The following ODAD4 variants were observed in gnomAD, a reference collection of about 807,000 sequenced individuals.
The protein encoded by ODAD4 is outer dynein arm docking complex subunit 4.
In ODAD4, 49 loss-of-function variants were observed where a neutral mutation model predicts 51.8. The ratio of observed to expected loss-of-function variants is 0.95; its 90% confidence interval spans 0.75 to 1.20. The LOEUF is 1.20. ODAD4 is among the 50% of genes most tolerant of loss of function. The pLI is 0.00. For synonymous variants in ODAD4, 235 were observed against 221.3 expected, an observed-to-expected ratio of 1.06 and a Z score of -0.55; for missense variants, 590 against 586.5, an observed-to-expected ratio of 1.01 and a Z score of -0.06.
At chr17:41,945,848 C>T (rs2050578195) in intron 8 of ODAD4, among the ~76,000 whole-genome samples, 1 of 152,052 alleles carries the variant, frequency 6.6e-6, no homozygotes, top group African/African-American at 2.4e-5. Flanking sequence ...TTGCAGTGAG[C>T]TGAGATCATG....
chr17:41,952,578 A>G (rs1555640322), intron 9 of ODAD4: 4 of 404,922 alleles, frequency 9.9e-6, no homozygotes, highest in African/African-American at 2.2e-5. Context: ...AACAGAAAGA[A>G]TGAAAGAATA....
intron 9 of ODAD4, among the ~76,000 whole-genome samples, chr17:41,952,992 C>T (rs2050680220): frequency 6.6e-6 from 1 of 152,106 alleles, no homozygotes; most frequent in Admixed American, 6.6e-5. Flanking sequence ...CCACCTCGGC[C>T]TCCCAAAATG....
chr17:41,949,457 C>T (rs1040213263), intron 9 of ODAD4, 108 bp downstream of exon 9: 1 of 396,912 alleles, frequency 2.5e-6, no homozygotes, highest in Non-Finnish European at 4.4e-6. Flanking sequence ...TTTCTCCTTC[C>T]CAGATTATTC....
chr17:41,965,026 G>C lies in ODAD4; in HGVS notation c.1562G>C (p.Arg521Thr). The C allele has an allele frequency of 2.8e-6, 2 of 723,706 alleles. No individual in the cohort carries two copies. Among genetic ancestry groups the C allele is most frequent in the Non-Finnish European group, 5.1e-6 (2 of 389,248 alleles). The allele number at this position is 723,706 out of a possible 1,614,324, so 44.8% of individuals were successfully genotyped here. A position where few individuals can be genotyped will look rare whatever the true frequency, so the allele number is the denominator to read the frequency against. The stretch of plus-strand genomic sequence containing the variant: ...CTGTATGAAGATAGAATAATAACAA[G>C]AGAGAAGGACATGAGGAGAGTGAGA... ...ASLYEDRIIT[R>T]EKDMRRVRDE... The change falls in exon 12 of 12, where the codon AGA (arginine) becomes ACA (threonine). Residue 521 changes from arginine (R) to threonine (T), a missense_variant. Physicochemically the swap from Arg to Thr is moderately conservative, Grantham distance 71 (BLOSUM62 -1). This residue lies in a region of ODAD4 where 226 missense variants were observed against 162.7 expected (regional missense o/e 1.39). Transcript: ENST00000377540.
intron 8 of ODAD4, among the ~76,000 whole-genome samples, chr17:41,946,791 G>C (rs1440562262): frequency 1.3e-5 from 2 of 151,618 alleles, no homozygotes; most frequent in African/African-American, 4.9e-5. Flanking sequence ...ATTCTCTCCT[G>C]CCTCAGCCTC....
At chr17:41,935,511 C>T (rs1437809435) in intron 2 of ODAD4, 88 bp from the exon 3 acceptor site, 2 of 1,525,316 alleles carry the variant, frequency 1.3e-6, no homozygotes, top group African/African-American at 2.8e-5. Context: ...CCAACCTTGA[C>T]CTTCAACCCA....
At chr17:41,941,962 T>C (rs1233989883) in intron 7 of ODAD4, among the ~76,000 whole-genome samples, 3 of 152,112 alleles carry the variant, frequency 2.0e-5, no homozygotes, top group Non-Finnish European at 4.4e-5. Flanking sequence ...TAATTTGAGA[T>C]GGAGTTTCAC....
At chr17:41,946,944 G>T (rs1201236986) in intron 8 of ODAD4, among the ~76,000 whole-genome samples, 2 of 151,288 alleles carry the variant, frequency 1.3e-5, no homozygotes, top group Non-Finnish European at 2.9e-5. Flanking sequence ...TCCACCTCCC[G>T]GGTTCACGCC....
Position 41,964,103 on chromosome 17 carries a change from C to T in ODAD4, c.1529-890C>T, listed in dbSNP as rs571953657. 4.6e-5 allele frequency among the ~76,000 whole-genome samples: 7 copies of T among 151,794 alleles called. No individual in the cohort carries two copies. The South Asian group carries it at 8.4e-4, about 18-fold the overall frequency. Reference sequence around the variant, plus strand: ...GAGATGGAGTTTTGCTCTTGTTGCCCAGGCTGGAGTACAATGGCACAATCT... The same window carrying T: ...GAGATGGAGTTTTGCTCTTGTTGCCTAGGCTGGAGTACAATGGCACAATCT... On this transcript the variant is annotated intron_variant, in intron 11 of 11. Coordinates refer to ENST00000377540, the MANE Select transcript of ODAD4 (RefSeq NM_031421.5).
chr17:41,942,553 C>T lies in ODAD4; in HGVS notation c.1059-2583C>T, dbSNP rs547698878. On this transcript the variant is annotated intron_variant, in intron 7 of 11. Transcript: ENST00000377540. ...CCACTCTAGAAGAGGGGATCCACTC[C>T]GACGGGCTGTGACAGCAGCAGGTGC... 2.3e-4 allele frequency among the ~76,000 whole-genome samples: 35 copies of T among 152,322 alleles called. No individual in the cohort carries two copies. In the South Asian group the frequency reaches 4.3e-3, roughly 19 times the overall value.
At chr17:41,932,914 G>C (rs2050370831) in intron 1 of ODAD4, among the ~76,000 whole-genome samples, 1 of 151,906 alleles carries the variant, frequency 6.6e-6, no homozygotes, top group African/African-American at 2.4e-5. Flanking sequence ...CACTTCTTCT[G>C]CTCCAAATTG....
rs2050857996 is a variant in ODAD4 at position 41,964,984 on chromosome 17, A to AT, written c.1529-4dup. The AT allele has an allele frequency of 1.5e-6, 1 of 685,796 alleles. No individual in the cohort carries two copies. Among genetic ancestry groups the AT allele is most frequent in the African/African-American group, 1.8e-5 (1 of 55,350 alleles). 42.5% of individuals were successfully genotyped at this position (685,796 alleles called of 1,614,324 possible). On this transcript the variant is annotated splice_polypyrimidine_tract_variant and intron_variant, in intron 11 of 11. Coordinates refer to ENST00000377540, the MANE Select transcript of ODAD4 (RefSeq NM_031421.5). The stretch of plus-strand genomic sequence containing the variant: ...TTATCTTTCTTCCCGCTTTTCTCTT[A>AT]TTTTTCAGAAGCTTCACTGTATGAA...
At chr17:41,945,438 G>A (rs1555639375) in intron 8 of ODAD4, among the ~76,000 whole-genome samples, 2 of 151,954 alleles carry the variant, frequency 1.3e-5, no homozygotes, top group Non-Finnish European at 2.9e-5. Context: ...CATGAGCCTG[G>A]GAGGTTGAGG....
intron 11 of ODAD4, among the ~76,000 whole-genome samples, chr17:41,964,385 C>T (rs1297454591): frequency 2.6e-5 from 4 of 152,080 alleles, no homozygotes; most frequent in African/African-American, 9.7e-5. Context: ...CTATCGATCT[C>T]AGGTCCCTTG....
rs782387159 is a variant in ODAD4 at position 41,965,426 on chromosome 17, T to C, written c.1962T>C (p.Phe654=). The C allele has an allele frequency of 9.0e-6, 7 of 777,186 alleles. 1 individual carries two copies. The East Asian group carries it at 1.7e-4, about 19-fold the overall frequency. The allele number at this position is 777,186 out of a possible 1,614,324, so 48.1% of individuals were successfully genotyped here. A position where few individuals can be genotyped will look rare whatever the true frequency, so the allele number is the denominator to read the frequency against. ...CAGAAGAACTGGGAAAAACACAATT[T>C]GGAGAAATAGGAGAAACGAAAAAAA... ...REPEELGKTQ[F]GEIGETKKTG... Residue 654 remains phenylalanine (F), a synonymous_variant, in exon 12 of 12, where the codon TTT becomes TTC. Transcript: ENST00000377540.
intron 8 of ODAD4, among the ~76,000 whole-genome samples, chr17:41,945,631 G>C (rs1336727003): frequency 2.0e-5 from 3 of 152,214 alleles, no homozygotes; most frequent in Non-Finnish European, 4.4e-5. Context: ...GGGCGCAGTG[G>C]CTCATGCCTG....
At chr17:41,958,226 A>C (rs2050758283) in intron 10 of ODAD4, among the ~76,000 whole-genome samples, 2 of 151,192 alleles carry the variant, frequency 1.3e-5, no homozygotes, top group South Asian at 2.1e-4. Context: ...GCCTTCTCTG[A>C]CCCCTCAGTC....
At chr17:41,945,847 G>A (rs1238968388) in intron 8 of ODAD4, among the ~76,000 whole-genome samples, 1 of 152,192 alleles carries the variant, frequency 6.6e-6, no homozygotes, top group Non-Finnish European at 1.5e-5. Context: ...GTTGCAGTGA[G>A]CTGAGATCAT....
intron 10 of ODAD4, 44 bp from the exon 11 acceptor site, chr17:41,961,338 G>A (rs1326159814): frequency 1.4e-6 from 1 of 719,790 alleles, no homozygotes; most frequent in Non-Finnish European, 2.6e-6. Flanking sequence ...AATTAATGGT[G>A]TAGGTGCCAA....
Sources: allele counts gnomAD v4.1 joint callset (sites outside exome capture counted in the v4.1 genomes callset), GRCh38; gene constraint gnomAD v4.1.1; regional missense constraint gnomAD v4.1.1; transcripts MANE v1.5; gene names NCBI Gene and HGNC (gene_info 2026-07-23, HGNC 2026-07-21).